Variants in IFNAR1 observed in about 807,000 individuals in gnomAD.
IFNAR1 encodes the protein interferon alpha and beta receptor subunit 1, also known as interferon alpha/beta receptor 1.
Under a neutral mutation model 62.1 loss-of-function variants are expected in IFNAR1, and 47 were observed. The observed-to-expected ratio is 0.76, with a 90% CI of 0.60 to 0.97. The LOEUF is 0.97. IFNAR1 is among the 50% of genes least tolerant of loss of function. IFNAR1 has a pLI of 0.00. For synonymous variants in IFNAR1, 219 were observed against 226.9 expected, an observed-to-expected ratio of 0.97 and a Z score of 0.31; for missense variants, 638 against 654.5, an observed-to-expected ratio of 0.97 and a Z score of 0.27.
intron 1 of IFNAR1, among the ~76,000 whole-genome samples, chr21:33,331,169 C>A (rs900817621): frequency 2.0e-5 from 3 of 152,214 alleles, no homozygotes; most frequent in African/African-American, 7.2e-5. Flanking sequence ...TGGAACTACT[C>A]CACCTACTCC....
At position 33,349,375 on chromosome 21, in the gene IFNAR1, C is replaced by A; in HGVS notation, c.989-14C>A. 6.3e-7 allele frequency: 1 copy of A among 1,578,152 alleles called. No homozygotes were observed. The highest frequency in any genetic ancestry group is 1.2e-5 in the South Asian group (1 of 85,202). On this transcript the variant is annotated splice_polypyrimidine_tract_variant and intron_variant, in intron 7 of 10. Transcript: ENST00000270139. Reference sequence around the variant, plus strand: ...TTTCTAATTGAACATTATTTCTTTACAAATTTTTTCTAGCTTTCCTACTTC... The same window carrying A: ...TTTCTAATTGAACATTATTTCTTTAAAAATTTTTTCTAGCTTTCCTACTTC...
rs17875836 is a variant in IFNAR1 at position 33,350,881 on chromosome 21, C to T, written c.1143+1338C>T. On this transcript the variant is annotated intron_variant, in intron 8 of 10. Transcript: ENST00000270139. ...CTGCTAAACTGTGTAACCTTACGTA[C>T]GCAGGGTGCTTTACCTCTTGGAGAC... 4.8e-3 allele frequency among the ~76,000 whole-genome samples: 735 copies of T among 152,258 alleles called. 9 individuals are homozygous for T. Among genetic ancestry groups the T allele is most frequent in the African/African-American group, 0.017 (692 of 41,542 alleles).
At position 33,341,050 on chromosome 21, in the gene IFNAR1, T is replaced by C. The variant is rs2123680957; in HGVS notation, c.252T>C (p.Ser84=). ...TGTCTGGGTGTCAGAATATTACTAG[T>C]ACCAAATGCAACTTTTCTTCACTCA... ...IKLSGCQNIT[S]TKCNFSSLKL... Residue 84 remains serine (S), a synonymous_variant, in exon 3 of 11, where the codon AGT becomes AGC. Transcript: ENST00000270139. 6.2e-7 allele frequency: 1 copy of C among 1,612,756 alleles called. No homozygotes were observed. Among genetic ancestry groups the C allele is most frequent in the East Asian group, 2.2e-5 (1 of 44,772 alleles).
In IFNAR1 at chr21:33,325,120, C is replaced by G. The variant is rs745384435; in HGVS notation, c.65C>G (p.Ser22Cys). ...VLVAVAPWVLSAAAGGKNLKS... is the reference protein window; with the variant it reads ...VLVAVAPWVLCAAAGGKNLKS... ...GTCGCCGTGGCGCCATGGGTGTTGT[C>G]CGCAGCCGCAGGTGAGAGGCGGGGA... The change falls in exon 1 of 11, where the codon TCC becomes TGC. Residue 22 changes from serine (S) to cysteine (C), a missense_variant. Ser to Cys is a moderately radical substitution (Grantham distance 112). Transcript: ENST00000270139. 2 of 1,611,022 alleles carry G rather than the reference C, an allele frequency of 1.2e-6. No individual in the cohort carries two copies. The highest frequency in any genetic ancestry group is 8.5e-7 in the Non-Finnish European group (1 of 1,179,200).
Position 33,324,982 on chromosome 21 carries a change from G to T in IFNAR1, c.-74G>T. 2.9e-6 allele frequency: 4 copies of T among 1,382,882 alleles called. No homozygotes were observed. Among genetic ancestry groups the T allele is most frequent in the Non-Finnish European group, 3.0e-6 (3 of 996,920 alleles). 85.7% of individuals were successfully genotyped at this position (1,382,882 alleles called of 1,614,324 possible). On this transcript the variant is annotated 5_prime_UTR_variant, in exon 1 of 11. Coordinates refer to ENST00000270139, the MANE Select transcript of IFNAR1 (RefSeq NM_000629.3). ...TGTGCAGAGGGGCGGTGTGACTTAG[G>T]ACGGGGCGATGGCGGCTGAGAGGAG...
At chr21:33,331,423 G>A (rs951678460) in intron 1 of IFNAR1, among the ~76,000 whole-genome samples, 1 of 152,188 alleles carries the variant, frequency 6.6e-6, no homozygotes, top group Admixed American at 6.5e-5. Flanking sequence ...CCAGGGCTGA[G>A]CTGATGTAGT....
At chr21:33,337,233 ATAAAT>A (rs1452110089) in intron 2 of IFNAR1, among the ~76,000 whole-genome samples, 1 of 152,074 alleles carries the variant, frequency 6.6e-6, no homozygotes, top group Non-Finnish European at 1.5e-5. Context: ...AAATAAATAA[ATAAAT>A]AAAATAAAAT....
Position 33,342,717 on chromosome 21 carries a change from C to T in IFNAR1, c.377-551C>T, listed in dbSNP as rs537943186. 3.9e-4 allele frequency among the ~76,000 whole-genome samples: 57 copies of T among 147,152 alleles called. No homozygotes were observed. The East Asian group carries it at 9.9e-3, about 26-fold the overall frequency. On this transcript the variant is annotated intron_variant, in intron 3 of 10. Coordinates refer to ENST00000270139, the MANE Select transcript of IFNAR1 (RefSeq NM_000629.3). ...AAAAAAAAAAAAAAAACTAGCCGGG[C>T]ATGGTGGCGGGAGCCTGTAGTCCCA...
In IFNAR1 at chr21:33,349,423, C is replaced by G. The variant is rs1321869846; in HGVS notation, c.1023C>G (p.Ser341=). Residue 341 remains serine, a synonymous_variant, in exon 8 of 11, where the codon TCC becomes TCG. Coordinates refer to ENST00000270139, the MANE Select transcript of IFNAR1 (RefSeq NM_000629.3). ...TTCCTCCAGTCTTTAACATTAGATCCCTTAGTGATTCATTCCATATCTATA... is the reference window on the plus strand; with the variant it reads ...TTCCTCCAGTCTTTAACATTAGATCGCTTAGTGATTCATTCCATATCTATA... The part of the protein sequence containing the change: ...FLLPPVFNIR[S]LSDSFHIYIG... The G allele has an allele frequency of 6.2e-7, 1 of 1,610,144 alleles. No individual in the cohort carries two copies. Among genetic ancestry groups the G allele is most frequent in the South Asian group, 1.1e-5 (1 of 90,170 alleles).
At position 33,340,618 on chromosome 21, in the gene IFNAR1, A is replaced by C. The variant is rs947160310; in HGVS notation, c.201-381A>C. Among the ~76,000 whole-genome samples, 5 of 152,272 alleles carry C rather than the reference A, an allele frequency of 3.3e-5. No individual in the cohort carries two copies. The East Asian group carries it at 7.7e-4, about 23-fold the overall frequency. On this transcript the variant is annotated intron_variant, in intron 2 of 10. Coordinates refer to ENST00000270139, the MANE Select transcript of IFNAR1 (RefSeq NM_000629.3). ...TAAGGAAGATAAGATCCAGAAACACAAAATAGTTTACCAAAAGTCACACAG... is the reference window on the plus strand; with the variant it reads ...TAAGGAAGATAAGATCCAGAAACACCAAATAGTTTACCAAAAGTCACACAG...
Position 33,358,174 on chromosome 21 carries a change from A to G in IFNAR1, c.*2625A>G, listed in dbSNP as rs1433025494. The G allele has an allele frequency of 1.3e-5, 2 of 152,136 alleles. No homozygotes were observed. Among genetic ancestry groups the G allele is most frequent in the African/African-American group, 4.8e-5 (2 of 41,396 alleles). 9.4% of individuals were successfully genotyped at this position (152,136 alleles called of 1,614,324 possible). On this transcript the variant is annotated 3_prime_UTR_variant, in exon 11 of 11. Transcript: ENST00000270139. ...CAAGCGCTGAGCACCAGCAGCAGAA[A>G]ACAACAACAAAAAAACACCTCGTTT...
intron 8 of IFNAR1, among the ~76,000 whole-genome samples, chr21:33,351,334 A>G (rs1454066518): frequency 1.3e-5 from 2 of 152,224 alleles, no homozygotes; most frequent in South Asian, 2.1e-4. Flanking sequence ...TGGCTCTTGC[A>G]CTGCTCCTAT....
intron 6 of IFNAR1, among the ~76,000 whole-genome samples, chr21:33,346,552 A>G (rs568865232): frequency 6.6e-6 from 1 of 152,344 alleles, no homozygotes; most frequent in African/African-American, 2.4e-5. Flanking sequence ...AGGGTCACCA[A>G]ATAGATAATG....
At chr21:33,338,408 G>GT (rs2083262795) in intron 2 of IFNAR1, among the ~76,000 whole-genome samples, 1 of 151,470 alleles carries the variant, frequency 6.6e-6, no homozygotes, top group Non-Finnish European at 1.5e-5. Flanking sequence ...GGTGGTGCGT[G>GT]CTGTAATCCC....
chr21:33,332,261 C>T (rs1409847483), intron 1 of IFNAR1, among the ~76,000 whole-genome samples: 1 of 152,204 alleles, frequency 6.6e-6, no homozygotes, highest in Non-Finnish European at 1.5e-5. Context: ...GCCTAGGCCC[C>T]TGAGGCACCC....
chr21:33,331,989 C>T (rs1368164737), intron 1 of IFNAR1, among the ~76,000 whole-genome samples: 3 of 152,162 alleles, frequency 2.0e-5, no homozygotes, highest in African/African-American at 7.2e-5. Flanking sequence ...AGAGAGCAAA[C>T]CCACCTCAGC....
At chr21:33,328,768 A>G (rs1038459166) in intron 1 of IFNAR1, among the ~76,000 whole-genome samples, 1 of 152,178 alleles carries the variant, frequency 6.6e-6, no homozygotes, top group Admixed American at 6.5e-5. Flanking sequence ...ATAGTAAACC[A>G]TTTTGGTCGT....
At chr21:33,352,408 G>A (rs62226370) in intron 8 of IFNAR1, among the ~76,000 whole-genome samples, 2,296 of 152,108 alleles carry the variant, frequency 0.015, 27 homozygotes, top group Non-Finnish European at 0.024. Context: ...TTCAAGACCA[G>A]CCTGAACAAC....
chr21:33,347,380 T>G (rs577999491), intron 6 of IFNAR1, among the ~76,000 whole-genome samples: 1 of 152,320 alleles, frequency 6.6e-6, no homozygotes, highest in East Asian at 1.9e-4. Context: ...TCCACCCGCC[T>G]CAGCCTCCCA....
Sources: allele counts gnomAD v4.1 joint callset (sites outside exome capture counted in the v4.1 genomes callset), GRCh38; gene constraint gnomAD v4.1.1; transcripts MANE v1.5; gene names NCBI Gene and HGNC (gene_info 2026-07-23, HGNC 2026-07-21).